CHN2: variants seen among roughly 807,000 people sequenced by gnomAD.
CHN2 encodes the protein beta-chimaerin.
Under a neutral mutation model 56.3 loss-of-function variants are expected in CHN2, and 35 were observed. The ratio of observed to expected loss-of-function variants is 0.62; its 90% CI spans 0.47 to 0.82. The LOEUF is 0.82. Ranked by LOEUF, CHN2 falls within the 40% of genes least tolerant of loss-of-function variation. The pLI is 0.00. For missense variants in CHN2, 491 were observed against 580.5 expected (o/e 0.85, Z 1.58); for synonymous variants, 210 against 212.8 (o/e 0.99, Z 0.12).
intron 3 of CHN2, among the ~76,000 whole-genome samples, chr7:29,392,826 A>G (rs1208477449): frequency 6.6e-6 from 1 of 152,230 alleles, no homozygotes; most frequent in Non-Finnish European, 1.5e-5. Context: ...CTCGTATCCT[A>G]CAACAGTGAA....
intron 6 of CHN2, among the ~76,000 whole-genome samples, chr7:29,437,642 C>T (rs969849916): frequency 6.7e-6 from 1 of 150,284 alleles, no homozygotes; most frequent in African/African-American, 2.4e-5. Flanking sequence ...AGGCCAAAAA[C>T]CTTAAGAATC....
At chr7:29,285,309 A>C (rs980054935) in intron 1 of CHN2, among the ~76,000 whole-genome samples, 3 of 152,228 alleles carry the variant, frequency 2.0e-5, no homozygotes, top group African/African-American at 7.2e-5. Context: ...AGGAGAATGC[A>C]TCACTCATTA....
chr7:29,507,292 T>A lies in CHN2; in HGVS notation c.1056T>A (p.Leu352=), dbSNP rs747719566. 21 of 1,613,508 alleles carry A rather than the reference T, an allele frequency of 1.3e-5. No individual in the cohort carries two copies. The highest frequency in any genetic ancestry group is 1.8e-5 in the Non-Finnish European group (21 of 1,179,600). The change falls in exon 11 of 13, where the codon CTT becomes CTA. Residue 352 remains leucine, a synonymous_variant. Coordinates refer to ENST00000222792, the MANE Select transcript of CHN2 (RefSeq NM_004067.4). ...YPDINIITGA[L]KLYFRDLPIP... ...ACATAAACATCATCACTGGAGCCCT[T>A]AAACTGTATTTCAGAGACTTACCCA...
Position 29,398,401 on chromosome 7 carries a change from G to A in CHN2, c.205G>A (p.Ala69Thr). 6.2e-7 allele frequency: 1 copy of A among 1,613,476 alleles called. No individual in the cohort carries two copies. The highest frequency in any genetic ancestry group is 8.5e-7 in the Non-Finnish European group (1 of 1,179,968). Residue 69 changes from alanine (A) to threonine (T), a missense_variant, in exon 5 of 13, where the codon GCG (alanine) becomes ACG (threonine). Ala to Thr is a moderately conservative substitution (Grantham distance 58). Coordinates refer to ENST00000222792, the MANE Select transcript of CHN2 (RefSeq NM_004067.4). ...TCATGGGATCATCTCTCGGGAGCAG[G>A]CGGATGAGCTTCTTGGAGGCGTGGA... is the stretch of plus-strand genomic sequence containing the variant. ...EFHGIISREQ[A>T]DELLGGVEGA...
chr7:29,226,231 T>A (rs1329742150), intron 1 of CHN2, among the ~76,000 whole-genome samples: 6 of 152,124 alleles, frequency 3.9e-5, no homozygotes, highest in African/African-American at 1.4e-4. Context: ...CTTTCAGAAA[T>A]CTATTATTAT....
intron 6 of CHN2, among the ~76,000 whole-genome samples, chr7:29,461,820 ATGGATGG>A (rs1785180725): frequency 3.7e-5 from 1 of 27,376 alleles, no homozygotes; most frequent in Non-Finnish European, 8.3e-5. Context: ...GGTTCATTGG[ATGGATGG>A]ATGGATGGAT....
intron 1 of CHN2, among the ~76,000 whole-genome samples, chr7:29,195,629 A>AGAGAGAGAGAGAGAGTGT (rs869037854): frequency 5.1e-4 from 60 of 117,552 alleles, no homozygotes; most frequent in East Asian, 3.8e-3. Context: ...AGAGAGAGAG[A>AGAGAGAGAGAGAGAGTGT]GTGTGTGTGT....
At chr7:29,202,164 G>T (rs1784208404) in intron 1 of CHN2, among the ~76,000 whole-genome samples, 1 of 152,266 alleles carries the variant, frequency 6.6e-6, no homozygotes, top group Middle Eastern at 3.4e-3. Flanking sequence ...CTCCTTTAAA[G>T]ACATCGTAAG....
rs115814621 is a variant in CHN2, at chr7:29,439,935, G to A, written c.576+39107G>A. ...AGACAGGCAAACCGAGTCTTGTGAAGGTTAATTAACTGGTTCAAGTTCCAC... is the reference window on the plus strand; with the variant it reads ...AGACAGGCAAACCGAGTCTTGTGAAAGTTAATTAACTGGTTCAAGTTCCAC... On this transcript the variant is annotated intron_variant, in intron 6 of 12. Transcript: ENST00000222792. 7.3e-3 allele frequency among the ~76,000 whole-genome samples: 1,106 copies of A among 152,260 alleles called. 13 individuals are homozygous for A. The highest frequency in any genetic ancestry group is 0.025 in the African/African-American group (1,059 of 41,540).
chr7:29,225,870 C>T (rs1184944033), intron 1 of CHN2, among the ~76,000 whole-genome samples: 1 of 152,142 alleles, frequency 6.6e-6, no homozygotes, highest in East Asian at 1.9e-4. Context: ...TATTCTGAGA[C>T]ATGTCCTACA....
intron 1 of CHN2, among the ~76,000 whole-genome samples, chr7:29,308,686 G>T (rs1405839508): frequency 6.6e-6 from 1 of 152,198 alleles, no homozygotes; most frequent in Admixed American, 6.5e-5. Flanking sequence ...GCCTCACCTG[G>T]ATGTGAAGGG....
In CHN2 at chr7:29,233,902, C is replaced by T. The variant is rs1035272196; in HGVS notation, c.49+38912C>T. Among the ~76,000 whole-genome samples, 18 of 121,658 alleles carry T rather than the reference C, an allele frequency of 1.5e-4. 1 individual carries two copies. The highest frequency in any genetic ancestry group is 2.2e-4 in the Admixed American group (2 of 8,968). 79.8% of individuals were successfully genotyped at this position (121,658 alleles called of 152,430 possible). On this transcript the variant is annotated intron_variant, in intron 1 of 12. Transcript: ENST00000222792. Reference sequence around the variant, plus strand: ...AGGCTGGAGTGCAGTGGCGGGATCTCGGCTCACTGCAAGCTCCGCCTCCCG... The same window carrying T: ...AGGCTGGAGTGCAGTGGCGGGATCTTGGCTCACTGCAAGCTCCGCCTCCCG...
chr7:29,294,439 T>G (rs1792955456), intron 1 of CHN2, among the ~76,000 whole-genome samples: 1 of 152,184 alleles, frequency 6.6e-6, no homozygotes, highest in Non-Finnish European at 1.5e-5. Flanking sequence ...GCCTTTCTTA[T>G]TTTGCCAGCC....
chr7:29,326,465 A>C (rs992400953), intron 1 of CHN2, among the ~76,000 whole-genome samples: 1 of 152,002 alleles, frequency 6.6e-6, no homozygotes, highest in East Asian at 1.9e-4. Context: ...CAATTCTTTG[A>C]TTTTCTAAAG....
chr7:29,304,015 G>A (rs1585011715), intron 1 of CHN2, among the ~76,000 whole-genome samples: 1 of 152,000 alleles, frequency 6.6e-6, no homozygotes, highest in East Asian at 1.9e-4. Context: ...AGCCGAGATC[G>A]TGCCACTGCA....
chr7:29,352,744 C>CA (rs905164301), intron 1 of CHN2, among the ~76,000 whole-genome samples: 9 of 151,790 alleles, frequency 5.9e-5, no homozygotes, highest in Admixed American at 3.3e-4. Context: ...AAACAAAAAA[C>CA]AAAAAAAGCA....
chr7:29,224,783 A>G (rs1786065332), intron 1 of CHN2, among the ~76,000 whole-genome samples: 1 of 152,168 alleles, frequency 6.6e-6, no homozygotes, highest in African/African-American at 2.4e-5. Flanking sequence ...ATATTTTTTC[A>G]TATGTTAAAT....
chr7:29,309,248 C>T (rs182863044), intron 1 of CHN2, among the ~76,000 whole-genome samples: 112 of 152,262 alleles, frequency 7.4e-4, no homozygotes, highest in African/African-American at 2.7e-3. Context: ...TGGAAAGTCA[C>T]CGCTCTTTGG....
chr7:29,185,619 G>T (rs1798611701), intron 2 of CHN2: 1 of 151,694 alleles, frequency 6.6e-6, no homozygotes, highest in East Asian at 1.9e-4. Flanking sequence ...AAAAAAAAAG[G>T]CTGATATTTG....
Sources: allele counts gnomAD v4.1 joint callset (sites outside exome capture counted in the v4.1 genomes callset), GRCh38; gene constraint gnomAD v4.1.1; transcripts MANE v1.5; gene names NCBI Gene and HGNC (gene_info 2026-07-23, HGNC 2026-07-21).